The following RAD52 variants were observed in gnomAD, a reference collection of about 807,000 sequenced individuals.
The protein encoded by RAD52 is DNA repair protein RAD52 homolog.
In RAD52, 47 loss-of-function variants were observed where a neutral mutation model predicts 55.5. The observed-to-expected ratio is 0.85, with a 90% CI of 0.67 to 1.08. The LOEUF (loss-of-function observed/expected upper bound fraction) is 1.08, where lower values mean the gene tolerates loss of function less well. Ranked by LOEUF, RAD52 falls within the 50% of genes least tolerant of loss-of-function variation. The pLI, the probability that RAD52 is intolerant of heterozygous loss-of-function variation, is 0.00. For synonymous variants in RAD52, 184 were observed against 198.9 expected (o/e 0.92, Z 0.63); for missense variants, 468 against 522.8 (o/e 0.90, Z 1.02).
chr12:966,950 C>A (rs1958778803), intron 1 of RAD52, among the ~76,000 whole-genome samples: 1 of 151,790 alleles, frequency 6.6e-6, no homozygotes, highest in Non-Finnish European at 1.5e-5. Context: ...TTATTTTTCC[C>A]TGTGCTGTAG....
upstream of RAD52, among the ~76,000 whole-genome samples, chr12:950,893 T>TC (rs546470545): frequency 7.2e-5 from 11 of 151,994 alleles, no homozygotes; most frequent in African/African-American, 2.7e-4. Flanking sequence ...CCCCATTATC[T>TC]CCCCCAGCCC....
intron 7 of RAD52, 121 bp downstream of exon 7, chr12:925,329 T>A: frequency 1.2e-6 from 1 of 819,006 alleles, no homozygotes; most frequent in Non-Finnish European, 2.1e-6. Flanking sequence ...GAAATCAACA[T>A]TCCCGACCCT....
At chr12:982,899 G>C (rs1018987065) in intron 1 of RAD52, among the ~76,000 whole-genome samples, 2 of 151,868 alleles carry the variant, frequency 1.3e-5, no homozygotes, top group African/African-American at 2.4e-5. Flanking sequence ...AAGCAGGCTG[G>C]AGTGCAGTAG....
Position 980,455 on chromosome 12 carries a change from G to A in RAD52, c.-19+9354C>T, listed in dbSNP as rs1160230137. ...ATTACAGGTGCCTGCCACCATGCCCGGCTAATTTTTGTATTTTTAGTAGAG... is the reference window on the plus strand; with the variant it reads ...ATTACAGGTGCCTGCCACCATGCCCAGCTAATTTTTGTATTTTTAGTAGAG... On this transcript the variant is annotated intron_variant, in intron 1 of 11. Transcript: ENST00000430095. Among the ~76,000 whole-genome samples the A allele has an allele frequency of 9.9e-5, 15 of 151,148 alleles. No homozygotes were observed. In the East Asian group the frequency reaches 1.4e-3, roughly 14 times the overall value.
intron 5 of RAD52, among the ~76,000 whole-genome samples, chr12:928,462 A>G (rs903917562): frequency 6.6e-6 from 1 of 152,024 alleles, no homozygotes; most frequent in African/African-American, 2.4e-5. Context: ...GGTTGCGGTG[A>G]GCTGAGATTG....
intron 9 of RAD52, among the ~76,000 whole-genome samples, chr12:915,642 A>G (rs1053034394): frequency 2.6e-5 from 4 of 152,250 alleles, no homozygotes; most frequent in Non-Finnish European, 4.4e-5. Flanking sequence ...TAATCTGCCA[A>G]AAGTTCCCGT....
chr12:913,961 G>T lies in RAD52; in HGVS notation c.1128C>A (p.His376Gln), dbSNP rs1433513321. 7 of 1,614,038 alleles carry T rather than the reference G, an allele frequency of 4.3e-6. No homozygotes were observed. Among genetic ancestry groups the T allele is most frequent in the Non-Finnish European group, 5.1e-6 (6 of 1,180,042 alleles). Residue 376 changes from histidine (H) to glutamine (Q), a missense_variant, in exon 11 of 12, where the codon CAC (histidine) becomes CAA (glutamine). Physicochemically the swap from His to Gln is conservative, Grantham distance 24 (BLOSUM62 0). Coordinates refer to ENST00000358495, the MANE Select transcript of RAD52 (RefSeq NM_134424.4). ...ATCCAGATTTTGCTTGTGGTTTCTG[G>T]TGGCAAACGCTGTGTGGAGTCCTGT... Reference protein sequence around the residue: ...TQNRTPHSVCHQKPQAKSGSW... With the variant: ...TQNRTPHSVCQQKPQAKSGSW...
At chr12:925,368 C>T in intron 7 of RAD52, 82 bp downstream of exon 7, 2 of 1,217,316 alleles carry the variant, frequency 1.6e-6, no homozygotes, top group Admixed American at 1.7e-5. Context: ...ACTTTTTCTC[C>T]TTGCATCCTC....
intron 6 of RAD52, chr12:926,804 A>G (rs1369369145): frequency 7.2e-6 from 11 of 1,536,680 alleles, no homozygotes; most frequent in Non-Finnish European, 9.6e-6. Flanking sequence ...ACCTGTGCGT[A>G]GCGGAGGACT....
In RAD52 at chr12:969,957, CTT is replaced by C. The variant is rs1358865754; in HGVS notation, c.-19+19850_-19+19851del. On this transcript the variant is annotated intron_variant, in intron 1 of 11. Coordinates refer to the RAD52 transcript ENST00000430095. ...TTCTTGCTTCTGTTCTGTTGACAGA[CTT>C]TGCGTCAGTGTGAAGTGAGACACAT... 3.9e-5 allele frequency among the ~76,000 whole-genome samples: 6 copies of C among 151,966 alleles called. No homozygotes were observed. The East Asian group carries it at 9.6e-4, about 24-fold the overall frequency.
intron 1 of RAD52, among the ~76,000 whole-genome samples, chr12:945,576 G>C (rs1038141199): frequency 2.6e-5 from 4 of 151,094 alleles, no homozygotes; most frequent in African/African-American, 9.7e-5. Flanking sequence ...TGGAACTACA[G>C]GCATGCGCGA....
Position 913,934 on chromosome 12 carries a change from A to C in RAD52, c.1155T>G (p.Ser385=), listed in dbSNP as rs770802188. The change falls in exon 11 of 12, where the codon TCT becomes TCG. Residue 385 remains serine, a synonymous_variant. Transcript: ENST00000358495. ...CAGCGCTATAAGTTTGGAGGTCCCA[A>C]GATCCAGATTTTGCTTGTGGTTTCT... is the stretch of plus-strand genomic sequence containing the variant. ...CHQKPQAKSG[S]WDLQTYSADQ... The C allele has an allele frequency of 5.6e-6, 9 of 1,614,074 alleles. No individual in the cohort carries two copies. In the East Asian group the frequency reaches 1.8e-4, roughly 32 times the overall value.
chr12:923,996 T>A (rs1029112964), intron 7 of RAD52, among the ~76,000 whole-genome samples: 1 of 149,504 alleles, frequency 6.7e-6, no homozygotes, highest in Non-Finnish European at 1.5e-5. Context: ...GAGGCAGAGG[T>A]TGCAGTGAGC....
At position 916,145 on chromosome 12, in the gene RAD52, CT is replaced by C. The variant is rs1157543999; in HGVS notation, c.865+198del. ...CACGGGGGAAAAAAGAAATCATTGT[CT>C]TTAGAAACGGGAAAATGTACAGCAG... On this transcript the variant is annotated intron_variant, in intron 9 of 11. Transcript: ENST00000358495. 1.3e-5 allele frequency: 17 copies of C among 1,296,356 alleles called. No homozygotes were observed. The Admixed American group carries it at 3.0e-4, about 23-fold the overall frequency. The allele number at this position is 1,296,356 out of a possible 1,614,324, so 80.3% of individuals were successfully genotyped here.
intron 1 of RAD52, among the ~76,000 whole-genome samples, chr12:984,434 G>A (rs1959059478): frequency 6.6e-6 from 1 of 152,088 alleles, no homozygotes; most frequent in Non-Finnish European, 1.5e-5. Context: ...CTGACCTCAG[G>A]TGATCCACCT....
chr12:955,375 T>C (rs1958589907), intron 1 of RAD52, among the ~76,000 whole-genome samples: 1 of 152,202 alleles, frequency 6.6e-6, no homozygotes, highest in South Asian at 2.1e-4. Context: ...AAGATATCTG[T>C]AGAAGATACA....
At chr12:941,526 C>T (rs1442586629) in intron 1 of RAD52, among the ~76,000 whole-genome samples, 2 of 152,148 alleles carry the variant, frequency 1.3e-5, no homozygotes, top group Admixed American at 1.3e-4. Context: ...CCATGTTGGT[C>T]AGGCTGGTCT....
At position 981,629 on chromosome 12, in the gene RAD52, C is replaced by T. The variant is rs559837930; in HGVS notation, c.-19+8180G>A. 2.0e-4 allele frequency among the ~76,000 whole-genome samples: 30 copies of T among 151,692 alleles called. No homozygotes were observed. The South Asian group carries it at 3.3e-3, about 17-fold the overall frequency. ...GACTTTAGCCAGGCGTGGTGGTGCG[C>T]GCCTGTAATCCCAGCTACTCAGGAG... On this transcript the variant is annotated intron_variant, in intron 1 of 11. Coordinates refer to the RAD52 transcript ENST00000430095.
intron 9 of RAD52, 114 bp downstream of exon 9, chr12:916,230 C>T: frequency 1.3e-6 from 2 of 1,505,368 alleles, no homozygotes. Flanking sequence ...AGAGAAGTCC[C>T]AGCGAGGCCT....
Sources: allele counts gnomAD v4.1 joint callset (sites outside exome capture counted in the v4.1 genomes callset), GRCh38; gene constraint gnomAD v4.1.1; transcripts MANE v1.5; gene names NCBI Gene and HGNC (gene_info 2026-07-23, HGNC 2026-07-21).